Variants in ESYT1 observed in about 807,000 individuals in gnomAD.
ESYT1 encodes extended synaptotagmin 1, also known as extended synaptotagmin-1.
A neutral mutation model predicts 154.2 loss-of-function variants in ESYT1; 116 were observed. The observed-to-expected ratio is 0.75, with a 90% CI of 0.65 to 0.88. The LOEUF (loss-of-function observed/expected upper bound fraction) is 0.88, where lower values mean the gene tolerates loss of function less well. Ranked by LOEUF, ESYT1 falls within the 40% of genes least tolerant of loss-of-function variation. The pLI, the probability that ESYT1 is intolerant of heterozygous loss-of-function variation, is 0.00. For missense variants in ESYT1, 1,264 were observed against 1,379.3 expected (o/e 0.92, Z 1.32); for synonymous variants, 500 against 539.9 (o/e 0.93, Z 1.02).
chr12:56,130,769 G>T, intron 2 of ESYT1, 22 bp from the exon 3 acceptor site: 1 of 1,613,632 alleles, frequency 6.2e-7, no homozygotes, highest in South Asian at 1.1e-5. Flanking sequence ...ACTCTCCTCT[G>T]ACCATCTCTC....
At position 56,142,404 on chromosome 12, in the gene ESYT1, G is replaced by A. The variant is rs1318346968; in HGVS notation, c.2712G>A (p.Val904=). ...CACTCAGCAGTGGTCAGGGGCAGGTGCTACTGAGAGCACAGCTAGGGGTGA... is the reference window on the plus strand; with the variant it reads ...CACTCAGCAGTGGTCAGGGGCAGGTACTACTGAGAGCACAGCTAGGGGTGA... The part of the protein sequence containing the change: ...WFTLSSGQGQ[V]LLRAQLGILV... Residue 904 remains valine, a synonymous_variant, in exon 25 of 31, where the codon GTG becomes GTA. Coordinates refer to ENST00000394048, the MANE Select transcript of ESYT1 (RefSeq NM_015292.3). The surrounding 1 kb of genome is among the most constrained non-coding windows in gnomAD (Gnocchi z 4.1). 2 of 1,613,678 alleles carry A rather than the reference G, an allele frequency of 1.2e-6. No individual in the cohort carries two copies. The highest frequency in any genetic ancestry group is 1.7e-4 in the Middle Eastern group (1 of 6,044).
Position 56,144,617 on chromosome 12 carries a change from G to C in ESYT1, c.*755G>C. On this transcript the variant is annotated 3_prime_UTR_variant, in exon 31 of 31. Coordinates refer to ENST00000394048, the MANE Select transcript of ESYT1 (RefSeq NM_015292.3). ...CTAGAACTTAATCTGGTACTTTACA[G>C]TTTTGCACCAACTCTGCCAAGCCAC... 5 of 985,380 alleles carry C rather than the reference G, an allele frequency of 5.1e-6. No individual in the cohort carries two copies. The highest frequency in any genetic ancestry group is 6.0e-6 in the Non-Finnish European group (5 of 829,930). 61.0% of individuals were successfully genotyped at this position (985,380 alleles called of 1,614,324 possible).
Position 56,137,555 on chromosome 12 carries a change from C to A in ESYT1, c.1995C>A (p.Phe665Leu). The change falls in exon 18 of 31, where the codon TTC becomes TTA. Residue 665 changes from phenylalanine (F) to leucine (L), a missense_variant. Physicochemically the swap from Phe to Leu is conservative, Grantham distance 22 (BLOSUM62 0). Coordinates refer to ENST00000394048, the MANE Select transcript of ESYT1 (RefSeq NM_015292.3). Reference protein sequence around the residue: ...EAQDLIAKDRFLGGLVKGKSD... With the variant: ...EAQDLIAKDRLLGGLVKGKSD... ...AGGACCTGATTGCCAAAGACCGTTTCTTGGGGGGACTGGTGAAGGGCAAGT... is the reference window on the plus strand; with the variant it reads ...AGGACCTGATTGCCAAAGACCGTTTATTGGGGGGACTGGTGAAGGGCAAGT... 1 of 1,614,170 alleles carries A rather than the reference C, an allele frequency of 6.2e-7. No individual in the cohort carries two copies. Among genetic ancestry groups the A allele is most frequent in the Non-Finnish European group, 8.5e-7 (1 of 1,180,040 alleles).
intron 4 of ESYT1, 64 bp from the exon 5 acceptor site, chr12:56,131,180 T>C: frequency 6.2e-7 from 1 of 1,612,664 alleles, no homozygotes; most frequent in South Asian, 1.1e-5. Context: ...GCTACTTCAC[T>C]CCCCCTCCCC....
chr12:56,140,979 C>A (rs940899083), intron 24 of ESYT1, among the ~76,000 whole-genome samples: 2 of 152,168 alleles, frequency 1.3e-5, no homozygotes, highest in Admixed American at 6.5e-5. Context: ...AATTTGAGAT[C>A]TCTGCAGGAC....
In ESYT1 at chr12:56,128,582, A is replaced by C. The variant is rs1325865918; in HGVS notation, c.263A>C (p.Tyr88Ser). ...VGFVLFGLAL[Y>S]LGWRRVRDEK... ...TTCGTGCTCTTCGGCCTCGCCCTCT[A>C]CCTGGGCTGGCGCCGGGTCCGCGAC... is the stretch of plus-strand genomic sequence containing the variant. The change falls in exon 1 of 31, where the codon TAC (tyrosine) becomes TCC (serine). Residue 88 changes from tyrosine to serine, a missense_variant. Physicochemically the swap from Tyr to Ser is moderately radical, Grantham distance 144 (BLOSUM62 -2). Transcript: ENST00000394048. 6.2e-7 allele frequency: 1 copy of C among 1,613,922 alleles called. No homozygotes were observed. Among genetic ancestry groups the C allele is most frequent in the East Asian group, 2.2e-5 (1 of 44,868 alleles).
At position 56,137,282 on chromosome 12, in the gene ESYT1, A is replaced by G. The variant is rs1019898250; in HGVS notation, c.1847A>G (p.Asp616Gly). The change falls in exon 17 of 31, where the codon GAC (aspartate) becomes GGC (glycine). Residue 616 changes from aspartate to glycine, a missense_variant. Transcript: ENST00000394048. The part of the protein sequence containing the change: ...PTVPGCPGAW[D>G]VDSENPQRGS... ...GTGCCTGGTTGTCCTGGTGCTTGGGACGTGGACAGTGAGAATCCCCAGAGA... is the reference window on the plus strand; with the variant it reads ...GTGCCTGGTTGTCCTGGTGCTTGGGGCGTGGACAGTGAGAATCCCCAGAGA... The G allele has an allele frequency of 6.2e-7, 1 of 1,614,138 alleles. No individual in the cohort carries two copies.
At position 56,143,317 on chromosome 12, in the gene ESYT1, G is replaced by C; in HGVS notation, c.3209G>C (p.Arg1070Pro). ...AATTCCTCCTTCATGTCAAGAGAGC[G>C]TGAGCTGCTGGGGAAGGTAAGAGGG... ...KSNSSFMSRE[R>P]ELLGKVQLDL... Residue 1070 changes from arginine (R) to proline (P), a missense_variant, in exon 29 of 31, where the codon CGT becomes CCT. Arg to Pro is a moderately radical substitution (Grantham distance 103, BLOSUM62 -2). Coordinates refer to ENST00000394048, the MANE Select transcript of ESYT1 (RefSeq NM_015292.3). The C allele has an allele frequency of 6.2e-7, 1 of 1,614,094 alleles. No homozygotes were observed. Among genetic ancestry groups the C allele is most frequent in the Non-Finnish European group, 8.5e-7 (1 of 1,180,008 alleles).
At chr12:56,139,700 A>G (rs1181337139) in intron 24 of ESYT1, among the ~76,000 whole-genome samples, 3 of 150,322 alleles carry the variant, frequency 2.0e-5, no homozygotes, top group South Asian at 2.1e-4. Flanking sequence ...GGTTCAAGCG[A>G]TTCTCCTGCC....
chr12:56,141,347 T>C (rs1347210578), intron 24 of ESYT1, among the ~76,000 whole-genome samples: 2 of 152,218 alleles, frequency 1.3e-5, no homozygotes, highest in Non-Finnish European at 2.9e-5. Context: ...GGTTGTTACA[T>C]TTGGAATATG....
At chr12:56,138,571 G>A (rs1870560968) in intron 22 of ESYT1, 72 bp downstream of exon 22, 1 of 1,438,234 alleles carries the variant, frequency 7.0e-7, no homozygotes, top group South Asian at 1.2e-5. Flanking sequence ...GGATGGTCCT[G>A]GAGTATTTAG....
chr12:56,130,262 G>A, intron 1 of ESYT1: 1 of 446,624 alleles, frequency 2.2e-6, no homozygotes, highest in Non-Finnish European at 4.1e-6. Flanking sequence ...CAATTTGACT[G>A]GACCTCCCCC....
In ESYT1 at chr12:56,144,538, TG is replaced by T. The variant is rs1284294199; in HGVS notation, c.*679del. On this transcript the variant is annotated 3_prime_UTR_variant, in exon 31 of 31. Coordinates refer to ENST00000394048, the MANE Select transcript of ESYT1 (RefSeq NM_015292.3). Reference sequence around the variant, plus strand: ...GATACGGAGAGGGCTTTGGAGGACTTGGGACAGCAGGGCCAATTTTTTTGCC... The same window carrying T: ...GATACGGAGAGGGCTTTGGAGGACTTGGACAGCAGGGCCAATTTTTTTGCC... The T allele has an allele frequency of 3.0e-6, 3 of 985,480 alleles. No individual in the cohort carries two copies. In the African/African-American group the frequency reaches 5.2e-5, roughly 17 times the overall value. The allele number at this position is 985,480 out of a possible 1,614,324, so 61.0% of individuals were successfully genotyped here.
chr12:56,132,728 C>T lies in ESYT1; in HGVS notation c.1171C>T (p.His391Tyr), dbSNP rs1431276363. The T allele has an allele frequency of 6.2e-7, 1 of 1,614,150 alleles. No homozygotes were observed. The highest frequency in any genetic ancestry group is 1.1e-5 in the South Asian group (1 of 91,086). Residue 391 changes from histidine to tyrosine, a missense_variant, in exon 10 of 31, where the codon CAC becomes TAC. Transcript: ENST00000394048. ...QWGETYEVMVHEVPGQEIEVE... is the reference protein window; with the variant it reads ...QWGETYEVMVYEVPGQEIEVE... ...CTTCTGTGTTCCCCAGGTGATGGTA[C>T]ACGAGGTCCCAGGGCAGGAGATTGA... is the stretch of plus-strand genomic sequence containing the variant.
intron 30 of ESYT1, 70 bp downstream of exon 30, chr12:56,143,699 A>C: frequency 1.2e-6 from 2 of 1,612,304 alleles, no homozygotes; most frequent in Non-Finnish European, 1.7e-6. Flanking sequence ...CAGGAAAGGA[A>C]AAAAAGATAC....
In ESYT1 at chr12:56,137,637, C is replaced by T. The variant is rs764684970; in HGVS notation, c.2077C>T (p.Arg693Trp). Residue 693 changes from arginine to tryptophan, a missense_variant, in exon 18 of 31, where the codon CGG becomes TGG. Arg to Trp is a moderately radical substitution (Grantham distance 101, BLOSUM62 -3). Coordinates refer to ENST00000394048, the MANE Select transcript of ESYT1 (RefSeq NM_015292.3). ...ACGAAGCTTCCGGAGCCATGTTGTT[C>T]GGGAAGATCTCAATCCCCGCTGGAA... ...AGRSFRSHVV[R>W]EDLNPRWNEV... 4.6e-5 allele frequency: 75 copies of T among 1,613,962 alleles called. No homozygotes were observed. Among genetic ancestry groups the T allele is most frequent in the Non-Finnish European group, 5.9e-5 (70 of 1,180,022 alleles).
intron 6 of ESYT1, 61 bp downstream of exon 6, chr12:56,131,627 GGGC>G: frequency 6.2e-7 from 1 of 1,604,412 alleles, no homozygotes; most frequent in Non-Finnish European, 8.5e-7. Context: ...GGGAGGATGA[GGGC>G]AGCCAGTGAA....
In ESYT1 at chr12:56,128,718, C is replaced by A. The variant is rs1870106862; in HGVS notation, c.390+9C>A. 6.2e-7 allele frequency: 1 copy of A among 1,612,674 alleles called. No individual in the cohort carries two copies. Among genetic ancestry groups the A allele is most frequent in the Non-Finnish European group, 8.5e-7 (1 of 1,180,006 alleles). On this transcript the variant is annotated intron_variant, in intron 1 of 30. Transcript: ENST00000394048. ...GAGAGCTACCTGCCTGGGTGAGCGA[C>A]CACCCTCGGTCCTCTGTGCAGCATA...
At chr12:56,139,540 G>T (rs943478975) in intron 24 of ESYT1, among the ~76,000 whole-genome samples, 3 of 151,384 alleles carry the variant, frequency 2.0e-5, no homozygotes, top group Non-Finnish European at 4.4e-5. Context: ...TCAGGCTGGG[G>T]AAAGGCTGGA....
Sources: gnomAD v4.1 joint callset for allele counts (sites outside exome capture counted in the v4.1 genomes callset) on GRCh38, gnomAD v4.1.1 for gene constraint, Gnocchi (gnomAD v3.1) non-coding constraint, MANE v1.5 for transcripts, NCBI Gene and HGNC (gene_info 2026-07-23, HGNC 2026-07-21) for gene names.